Variants in DENND2C observed in about 807,000 individuals in gnomAD.
DENND2C encodes the protein DENN domain-containing protein 2C.
DENND2C carries 72 observed loss-of-function variants against 112.4 expected under a neutral mutation model. The observed-to-expected ratio is 0.64, with a 90% CI of 0.53 to 0.78. The LOEUF is 0.78. Among genes scored for constraint, DENND2C ranks in the 30% least tolerant of loss-of-function variants. DENND2C has a pLI of 0.00. For missense variants in DENND2C, 992 were observed against 1,113.8 expected (o/e 0.89, Z 1.56); for synonymous variants, 329 against 381.6 (o/e 0.86, Z 1.61).
intron 2 of DENND2C, among the ~76,000 whole-genome samples, chr1:114,653,690 A>G (rs141756821): frequency 1.3e-5 from 2 of 152,162 alleles, no homozygotes; most frequent in Non-Finnish European, 2.9e-5. Flanking sequence ...GAATGGTGGA[A>G]TAATGGACCT....
chr1:114,614,190 T>A (rs1221165317), intron 8 of DENND2C, among the ~76,000 whole-genome samples: 3 of 148,106 alleles, frequency 2.0e-5, no homozygotes, highest in African/African-American at 7.6e-5. Flanking sequence ...CATGTTTGCA[T>A]CATTGCACCC....
At chr1:114,649,955 C>G (rs541361640) in intron 2 of DENND2C, among the ~76,000 whole-genome samples, 1 of 152,208 alleles carries the variant, frequency 6.6e-6, no homozygotes, top group African/African-American at 2.4e-5. Flanking sequence ...TTTTTAAGCA[C>G]ATTTTTATAC....
Position 114,590,748 on chromosome 1 carries a change from C to T in DENND2C, c.2432-2796G>A, listed in dbSNP as rs539491606. ...GAGCCAAGATTGCGCCACTGCACTCCAGCCTGGGCGACAGAGCGAGACTCC... is the reference window on the plus strand; with the variant it reads ...GAGCCAAGATTGCGCCACTGCACTCTAGCCTGGGCGACAGAGCGAGACTCC... On this transcript the variant is annotated intron_variant, in intron 18 of 20. Transcript: ENST00000393274. Among the ~76,000 whole-genome samples, 14 of 136,230 alleles carry T rather than the reference C, an allele frequency of 1.0e-4. No homozygotes were observed. In the East Asian group the frequency reaches 3.0e-3, roughly 29 times the overall value. 89.4% of individuals were successfully genotyped at this position (136,230 alleles called of 152,430 possible).
chr1:114,630,619 T>C lies in DENND2C; in HGVS notation c.-204-4431A>G, dbSNP rs375618762. ...CCTTACCGAGTTGAGGATAACAAGA[T>C]TGGAATATGGAGACTGAGGCAAATG... On this transcript the variant is annotated intron_variant, in intron 3 of 20. Transcript: ENST00000393274. Among the ~76,000 whole-genome samples the C allele has an allele frequency of 1.3e-3, 195 of 151,960 alleles. 1 individual carries two copies. The highest frequency in any genetic ancestry group is 4.3e-3 in the African/African-American group (179 of 41,406).
chr1:114,621,930 C>G lies in DENND2C; in HGVS notation c.1192G>C (p.Glu398Gln). ...TTTTTCCTTTTCGTGTTTGCAACTT[C>G]ACCAGCTCGGAAAAGCTTCCATTCC... ...LTEWKLFRAG[E>Q]VANTKRKNLP... Residue 398 changes from glutamate to glutamine, a missense_variant, in exon 7 of 21, where the codon GAA becomes CAA. Glu to Gln is a conservative substitution (Grantham distance 29). This residue lies in a region of DENND2C where 470 missense variants were observed against 472.7 expected (regional missense o/e 0.99). Coordinates refer to ENST00000393274, the MANE Select transcript of DENND2C (RefSeq NM_001256404.2). The G allele has an allele frequency of 6.4e-7, 1 of 1,550,654 alleles. No homozygotes were observed. The highest frequency in any genetic ancestry group is 2.0e-5 in the Admixed American group (1 of 51,000).
At chr1:114,619,866 A>C (rs1295152106) in intron 7 of DENND2C, among the ~76,000 whole-genome samples, 1 of 152,214 alleles carries the variant, frequency 6.6e-6, no homozygotes, top group African/African-American at 2.4e-5. Context: ...GATAAATTTA[A>C]ATTTCTGTCA....
intron 16 of DENND2C, among the ~76,000 whole-genome samples, chr1:114,597,070 A>G (rs1270737789): frequency 3.9e-5 from 6 of 152,208 alleles, no homozygotes; most frequent in Non-Finnish European, 8.8e-5. Context: ...AAAATTAAGA[A>G]TTTCTGTGCA....
intron 9 of DENND2C, among the ~76,000 whole-genome samples, chr1:114,610,844 C>G (rs761686021): frequency 6.6e-6 from 1 of 152,198 alleles, no homozygotes; most frequent in African/African-American, 2.4e-5. Flanking sequence ...AAGAACCATA[C>G]TGTTTTGCCT....
At chr1:114,611,468 G>C (rs184574630) in intron 8 of DENND2C, among the ~76,000 whole-genome samples, 3 of 152,202 alleles carry the variant, frequency 2.0e-5, no homozygotes, top group East Asian at 1.9e-4. Flanking sequence ...ATTCCAAATA[G>C]AGTATCAAAG....
intron 1 of DENND2C, among the ~76,000 whole-genome samples, 188 bp downstream of exon 1, chr1:114,669,795 G>A (rs1018390957): frequency 6.6e-6 from 1 of 151,994 alleles, no homozygotes; most frequent in African/African-American, 2.4e-5. Context: ...TTGCTCCTCC[G>A]GACGGAGGAG....
At chr1:114,586,365 T>C (rs1655036957) in intron 20 of DENND2C, among the ~76,000 whole-genome samples, 1 of 152,212 alleles carries the variant, frequency 6.6e-6, no homozygotes, top group Admixed American at 6.5e-5. Flanking sequence ...TTATATGCTG[T>C]AAATACATTT....
At chr1:114,630,304 CAA>C (rs201569345) in intron 3 of DENND2C, among the ~76,000 whole-genome samples, 2 of 130,560 alleles carry the variant, frequency 1.5e-5, no homozygotes, top group African/African-American at 5.7e-5. Flanking sequence ...GAGATTCGTT[CAA>C]AAAAAAAAAG....
chr1:114,651,232 GTT>G (rs1211010054), intron 2 of DENND2C, among the ~76,000 whole-genome samples: 1 of 151,648 alleles, frequency 6.6e-6, no homozygotes, highest in Non-Finnish European at 1.5e-5. Flanking sequence ...GAGGCTAAGA[GTT>G]TGAGACCAGC....
rs199600739 is a variant in DENND2C at position 114,627,596 on chromosome 1, A to C, written c.-204-1408T>G. ...ATAGTCTGACGCAAAAAAAAAAAAA[A>C]AAAAAATCCAAAAAACTTTAAGAAA... is the stretch of plus-strand genomic sequence containing the variant. On this transcript the variant is annotated intron_variant, in intron 3 of 20. Coordinates refer to ENST00000393274, the MANE Select transcript of DENND2C (RefSeq NM_001256404.2). Among the ~76,000 whole-genome samples, 3 of 115,916 alleles carry C rather than the reference A, an allele frequency of 2.6e-5. No individual in the cohort carries two copies. The Admixed American group carries it at 2.6e-4, about 10-fold the overall frequency. The allele number at this position is 115,916 out of a possible 152,430, so 76.0% of individuals were successfully genotyped here. A position where few individuals can be genotyped will look rare whatever the true frequency, so the allele number is the denominator to read the frequency against.
chr1:114,623,692 CTTTA>C (rs1656251802), intron 4 of DENND2C, 49 bp from the exon 5 acceptor site: 1 of 1,341,208 alleles, frequency 7.5e-7, no homozygotes, highest in East Asian at 2.8e-5. Flanking sequence ...AAACTCTAAT[CTTTA>C]TTTTTTAAAA....
intron 3 of DENND2C, among the ~76,000 whole-genome samples, chr1:114,638,880 T>C (rs1164306550): frequency 6.6e-6 from 1 of 151,584 alleles, no homozygotes; most frequent in Non-Finnish European, 1.5e-5. Context: ...CTTGACTTAA[T>C]TGGCAAGAAA....
intron 3 of DENND2C, among the ~76,000 whole-genome samples, chr1:114,633,439 CAAAAA>C (rs780884019): frequency 0.011 from 553 of 49,194 alleles, 5 homozygotes; most frequent in African/African-American, 0.035. Context: ...GACCCTATCT[CAAAAA>C]AAAAAAAAAA....
At chr1:114,633,114 G>A (rs1191013317) in intron 3 of DENND2C, among the ~76,000 whole-genome samples, 1 of 152,108 alleles carries the variant, frequency 6.6e-6, no homozygotes, top group African/African-American at 2.4e-5. Context: ...AATTGTGTAT[G>A]GTGTTGTAAG....
intron 1 of DENND2C, among the ~76,000 whole-genome samples, chr1:114,661,409 C>T (rs1364850437): frequency 3.3e-5 from 5 of 152,062 alleles, no homozygotes; most frequent in Non-Finnish European, 5.9e-5. Flanking sequence ...TCCCTTATGC[C>T]ACTGATACAC....
Sources: allele counts gnomAD v4.1 joint callset (sites outside exome capture counted in the v4.1 genomes callset), GRCh38; gene constraint gnomAD v4.1.1; regional missense constraint gnomAD v4.1.1; transcripts MANE v1.5; gene names NCBI Gene and HGNC (gene_info 2026-07-23, HGNC 2026-07-21).